The following MANSC1 variants were observed in gnomAD, a reference collection of about 807,000 sequenced individuals.
MANSC1 encodes MANSC domain-containing protein 1.
Under a neutral mutation model 14.1 loss-of-function variants are expected in MANSC1, and 13 were observed. The observed-to-expected ratio is 0.92, with a 90% CI of 0.60 to 1.46. MANSC1 has a LOEUF of 1.46. Ranked by LOEUF, MANSC1 falls within the 40% of genes most tolerant of loss-of-function variation. The pLI, the probability that MANSC1 is intolerant of heterozygous loss-of-function variation, is 0.00. For synonymous variants in MANSC1, 227 were observed against 200.7 expected, an observed-to-expected ratio of 1.13 and a Z score of -1.11; for missense variants, 486 against 511.4, an observed-to-expected ratio of 0.95 and a Z score of 0.48.
chr12:12,340,588 G>A (rs1862920847), intron 2 of MANSC1, among the ~76,000 whole-genome samples: 1 of 152,186 alleles, frequency 6.6e-6, no homozygotes, highest in Non-Finnish European at 1.5e-5. Flanking sequence ...TTATCATAGT[G>A]CCTTTTGAAC....
intron 1 of MANSC1, among the ~76,000 whole-genome samples, chr12:12,344,072 C>A (rs1378423046): frequency 6.6e-6 from 1 of 151,944 alleles, no homozygotes; most frequent in Non-Finnish European, 1.5e-5. Context: ...GTGATTACAC[C>A]ACTGCACTCC....
At chr12:12,338,598 C>T (rs549270578) in intron 2 of MANSC1, 38 bp from the exon 3 acceptor site, 27 of 1,602,934 alleles carry the variant, frequency 1.7e-5, no homozygotes, top group South Asian at 4.5e-5. Flanking sequence ...TTTTGAAATG[C>T]GATTTTCTAA....
intron 2 of MANSC1, among the ~76,000 whole-genome samples, chr12:12,340,638 G>A (rs1411500492): frequency 1.3e-5 from 2 of 152,176 alleles, no homozygotes; most frequent in Admixed American, 6.5e-5. Flanking sequence ...TGAGGAAAAT[G>A]TTTGAGATCC....
intron 1 of MANSC1, among the ~76,000 whole-genome samples, chr12:12,347,021 T>C (rs1385057022): frequency 6.6e-6 from 1 of 151,964 alleles, no homozygotes; most frequent in Non-Finnish European, 1.5e-5. Flanking sequence ...AAAGCAGCAG[T>C]CCATAGCCTT....
At chr12:12,331,472 A>T (rs1862788766) in intron 3 of MANSC1, among the ~76,000 whole-genome samples, 1 of 152,058 alleles carries the variant, frequency 6.6e-6, no homozygotes, top group Non-Finnish European at 1.5e-5. Flanking sequence ...AGGCCAGGGA[A>T]AAAAGTGGGC....
chr12:12,340,401 T>C (rs139129251), intron 2 of MANSC1, among the ~76,000 whole-genome samples: 2 of 152,208 alleles, frequency 1.3e-5, no homozygotes, highest in Non-Finnish European at 2.9e-5. Flanking sequence ...TATCACGTCA[T>C]ATCCCCATTA....
At chr12:12,333,636 G>A (rs917887950) in intron 3 of MANSC1, among the ~76,000 whole-genome samples, 19 of 152,260 alleles carry the variant, frequency 1.2e-4, no homozygotes, top group East Asian at 3.9e-4. Flanking sequence ...TCTCAGTCAC[G>A]CAGAGATGAG....
intron 1 of MANSC1, among the ~76,000 whole-genome samples, chr12:12,345,612 G>A (rs1863000592): frequency 6.6e-6 from 1 of 152,150 alleles, no homozygotes; most frequent in Non-Finnish European, 1.5e-5. Context: ...AAACTGGCAA[G>A]ACAATACAAG....
At chr12:12,348,039 G>T (rs970175471) in intron 1 of MANSC1, 4 of 152,060 alleles carry the variant, frequency 2.6e-5, no homozygotes, top group African/African-American at 9.7e-5. Flanking sequence ...CTCCAGCCTG[G>T]GCAACAGAGT....
In MANSC1 at chr12:12,330,374, A is replaced by C; in HGVS notation, c.949T>G (p.Leu317Val). Residue 317 changes from leucine to valine, a missense_variant, in exon 4 of 4, where the codon TTA becomes GTA. Physicochemically the swap from Leu to Val is conservative, Grantham distance 32. Coordinates refer to ENST00000535902, the MANE Select transcript of MANSC1 (RefSeq NM_018050.4). ...FQAPTDSKGSLETIPFTEISN... is the reference protein window; with the variant it reads ...FQAPTDSKGSVETIPFTEISN... Reference sequence around the variant, plus strand: ...ATTTCTGTAAACGGTATGGTTTCTAAGCTGCCTTTCGAGTCCGTAGGTGCC... The same window carrying C: ...ATTTCTGTAAACGGTATGGTTTCTACGCTGCCTTTCGAGTCCGTAGGTGCC... 1.9e-6 allele frequency: 3 copies of C among 1,614,222 alleles called. No individual in the cohort carries two copies. Among genetic ancestry groups the C allele is most frequent in the Non-Finnish European group, 2.5e-6 (3 of 1,180,038 alleles).
chr12:12,336,504 A>G (rs976358719), intron 3 of MANSC1, among the ~76,000 whole-genome samples: 2 of 152,168 alleles, frequency 1.3e-5, no homozygotes, highest in African/African-American at 2.4e-5. Context: ...CTAAAACATA[A>G]GTTCCAGAAG....
chr12:12,345,143 A>G (rs1862994408), intron 1 of MANSC1, among the ~76,000 whole-genome samples: 1 of 148,718 alleles, frequency 6.7e-6, no homozygotes, highest in Admixed American at 6.7e-5. Flanking sequence ...AATGTGGTGA[A>G]ACCCCATCTC....
Position 12,329,960 on chromosome 12 carries a change from T to G in MANSC1, c.*67A>C, listed in dbSNP as rs1862758540. ...ACAACCTCCTGCTAAGACTAGCAAG[T>G]CAGCAGAAACTCATTGCATTTGGGC... is the stretch of plus-strand genomic sequence containing the variant. On this transcript the variant is annotated 3_prime_UTR_variant, in exon 4 of 4. Transcript: ENST00000535902. 2.2e-6 allele frequency: 3 copies of G among 1,348,728 alleles called. No individual in the cohort carries two copies. In the African/African-American group the frequency reaches 4.4e-5, roughly 20 times the overall value. The allele number at this position is 1,348,728 out of a possible 1,614,324, so 83.5% of individuals were successfully genotyped here.
rs1381264076 is a variant in MANSC1 at position 12,328,605 on chromosome 12, T to C, written c.*1422A>G. 2 of 151,840 alleles carry C rather than the reference T, an allele frequency of 1.3e-5. No individual in the cohort carries two copies. Among genetic ancestry groups the C allele is most frequent in the Non-Finnish European group, 2.9e-5 (2 of 67,996 alleles). 9.4% of individuals were successfully genotyped at this position (151,840 alleles called of 1,614,324 possible). A position where few individuals can be genotyped will look rare whatever the true frequency, so the allele number is the denominator to read the frequency against. The stretch of plus-strand genomic sequence containing the variant: ...TGTTCTAAATTAAGCTTAGACTGAT[T>C]GCTGGTCAATTTAAGTAAGGATATA... On this transcript the variant is annotated 3_prime_UTR_variant, in exon 4 of 4. Transcript: ENST00000535902.
chr12:12,328,601 T>G lies in MANSC1; in HGVS notation c.*1426A>C, dbSNP rs1292481783. 6.6e-6 allele frequency: 1 copy of G among 151,848 alleles called. No homozygotes were observed. Among genetic ancestry groups the G allele is most frequent in the Non-Finnish European group, 1.5e-5 (1 of 67,992 alleles). The allele number at this position is 151,848 out of a possible 1,614,324, so 9.4% of individuals were successfully genotyped here. On this transcript the variant is annotated 3_prime_UTR_variant, in exon 4 of 4. Coordinates refer to ENST00000535902, the MANE Select transcript of MANSC1 (RefSeq NM_018050.4). ...ATGTTGTTCTAAATTAAGCTTAGAC[T>G]GATTGCTGGTCAATTTAAGTAAGGA...
intron 2 of MANSC1, among the ~76,000 whole-genome samples, chr12:12,339,652 C>A (rs1208431773): frequency 2.6e-5 from 4 of 152,154 alleles, no homozygotes; most frequent in Admixed American, 2.6e-4. Flanking sequence ...ATGGCTCCTT[C>A]CACACAGGAT....
intron 1 of MANSC1, among the ~76,000 whole-genome samples, chr12:12,344,788 A>G (rs1021899105): frequency 6.7e-6 from 1 of 149,364 alleles, no homozygotes; most frequent in Non-Finnish European, 1.5e-5. Context: ...CTTTCTCTTG[A>G]GCTGGATGCT....
In MANSC1 at chr12:12,345,320, C is replaced by CAA. The variant is rs35001300; in HGVS notation, c.-100-1908_-100-1907dup. Among the ~76,000 whole-genome samples, 176 of 93,060 alleles carry CAA rather than the reference C, an allele frequency of 1.9e-3. 2 individuals are homozygous for CAA. The highest frequency in any genetic ancestry group is 0.016 in the East Asian group (64 of 3,952). The allele number at this position is 93,060 out of a possible 152,430, so 61.1% of individuals were successfully genotyped here. A position where few individuals can be genotyped will look rare whatever the true frequency, so the allele number is the denominator to read the frequency against. ...GGGTGACAAGAGCAAAACTCCGTCT[C>CAA]AAAAAAAAAAAAAAAAGCTATTATT... On this transcript the variant is annotated intron_variant, in intron 1 of 3. Transcript: ENST00000535902.
chr12:12,338,813 C>G lies in MANSC1; in HGVS notation c.224-253G>C, dbSNP rs1862894509. On this transcript the variant is annotated intron_variant, in intron 2 of 3. Coordinates refer to ENST00000535902, the MANE Select transcript of MANSC1 (RefSeq NM_018050.4). Reference sequence around the variant, plus strand: ...GCGAAGAAGGAAGCTCCTGTCCCTCCTAAAGTCAAAGCCAAAGCAAAGTCT... The same window carrying G: ...GCGAAGAAGGAAGCTCCTGTCCCTCGTAAAGTCAAAGCCAAAGCAAAGTCT... 11 of 522,056 alleles carry G rather than the reference C, an allele frequency of 2.1e-5. No individual in the cohort carries two copies. The South Asian group carries it at 2.4e-4, about 11-fold the overall frequency. 32.3% of individuals were successfully genotyped at this position (522,056 alleles called of 1,614,324 possible). A position where few individuals can be genotyped will look rare whatever the true frequency, so the allele number is the denominator to read the frequency against.
Sources: allele counts gnomAD v4.1 joint callset (sites outside exome capture counted in the v4.1 genomes callset), GRCh38; gene constraint gnomAD v4.1.1; transcripts MANE v1.5; gene names NCBI Gene and HGNC (gene_info 2026-07-23, HGNC 2026-07-21).